The following FAM110B variants were observed in gnomAD, a reference collection of about 807,000 sequenced individuals.
FAM110B encodes the protein family with sequence similarity 110 member B.
In FAM110B, 6 loss-of-function variants were observed where a neutral mutation model predicts 20.4. The observed-to-expected ratio is 0.29, with a 90% CI of 0.16 to 0.58. The LOEUF (loss-of-function observed/expected upper bound fraction) is 0.58, where lower values mean the gene tolerates loss of function less well. Among genes scored for constraint, FAM110B ranks in the 20% least tolerant of loss-of-function variants. FAM110B has a pLI of 0.90. For missense variants in FAM110B, 434 were observed against 498.2 expected (o/e 0.87, Z 1.23); for synonymous variants, 226 against 214.1 (o/e 1.06, Z -0.49).
intron 3 of FAM110B, among the ~76,000 whole-genome samples, chr8:58,085,203 AAG>A (rs1266028740): frequency 6.6e-6 from 1 of 152,208 alleles, no homozygotes; most frequent in African/African-American, 2.4e-5. Context: ...TAATCAACTG[AAG>A]AGTCTTGTAA....
intron 3 of FAM110B, among the ~76,000 whole-genome samples, chr8:58,085,667 A>G (rs1806315561): frequency 6.6e-6 from 1 of 152,232 alleles, no homozygotes; most frequent in African/African-American, 2.4e-5. Context: ...CCTCTGGCAC[A>G]TTGATTTATG....
At chr8:58,042,800 C>T (rs752752958) in intron 2 of FAM110B, among the ~76,000 whole-genome samples, 33 of 152,188 alleles carry the variant, frequency 2.2e-4, no homozygotes, top group African/African-American at 2.4e-4. Flanking sequence ...TGGATGCTTG[C>T]GTAAGAATTG....
intron 3 of FAM110B, among the ~76,000 whole-genome samples, chr8:58,116,836 TA>T (rs1362698881): frequency 1.3e-5 from 2 of 152,208 alleles, no homozygotes; most frequent in Non-Finnish European, 2.9e-5. Context: ...GTATTCCATT[TA>T]AGGCTTATAA....
At chr8:58,060,973 G>A (rs985900018) in intron 2 of FAM110B, among the ~76,000 whole-genome samples, 7 of 152,096 alleles carry the variant, frequency 4.6e-5, no homozygotes, top group African/African-American at 1.7e-4. Context: ...TCTGTTCTGT[G>A]TGGATGAGCT....
intron 3 of FAM110B, among the ~76,000 whole-genome samples, chr8:58,096,001 C>A (rs953376689): frequency 1.3e-5 from 2 of 152,172 alleles, no homozygotes; most frequent in African/African-American, 4.8e-5. Context: ...TAGTGGCCTT[C>A]TTTGTCTCTT....
intron 2 of FAM110B, among the ~76,000 whole-genome samples, chr8:58,036,454 C>A (rs1026111796): frequency 1.3e-5 from 2 of 152,180 alleles, no homozygotes; most frequent in African/African-American, 4.8e-5. Context: ...CAGTAGACAT[C>A]AGCAGTCTTA....
intron 3 of FAM110B, among the ~76,000 whole-genome samples, chr8:58,082,845 T>TTA (rs1221946219): frequency 5.7e-5 from 8 of 139,564 alleles, no homozygotes; most frequent in African/African-American, 2.3e-4. Context: ...TTGTTTTTTT[T>TTA]TGTTTTTTTT....
intron 3 of FAM110B, among the ~76,000 whole-genome samples, chr8:58,082,131 C>G (rs1806212192): frequency 6.6e-6 from 1 of 152,158 alleles, no homozygotes; most frequent in African/African-American, 2.4e-5. Flanking sequence ...GGCTTTGCAG[C>G]ATCAGCGCTA....
At chr8:58,039,127 C>T (rs906478495) in intron 2 of FAM110B, among the ~76,000 whole-genome samples, 2 of 152,238 alleles carry the variant, frequency 1.3e-5, no homozygotes, top group Non-Finnish European at 1.5e-5. Flanking sequence ...GACGGCATTT[C>T]TCTGGAGCCA....
At chr8:58,035,808 T>C (rs1805065361) in intron 2 of FAM110B, among the ~76,000 whole-genome samples, 1 of 152,236 alleles carries the variant, frequency 6.6e-6, no homozygotes, top group East Asian at 1.9e-4. Context: ...ACTTGTTCTT[T>C]GCTCTATGCT....
At chr8:58,020,949 A>C (rs1326186316) in intron 1 of FAM110B, among the ~76,000 whole-genome samples, 1 of 152,156 alleles carries the variant, frequency 6.6e-6, no homozygotes. Context: ...CAGCTCACCC[A>C]GAAAAGGCTA....
chr8:58,083,668 C>T (rs1357026397), intron 3 of FAM110B, among the ~76,000 whole-genome samples: 1 of 152,138 alleles, frequency 6.6e-6, no homozygotes, highest in Non-Finnish European at 1.5e-5. Context: ...AGAATGCAGG[C>T]CACTCCCACC....
At chr8:58,136,330 T>G (rs1435282663) in intron 3 of FAM110B, among the ~76,000 whole-genome samples, 3 of 152,102 alleles carry the variant, frequency 2.0e-5, no homozygotes, top group Admixed American at 2.0e-4. Context: ...TTATAAACTC[T>G]GTGACTGGAG....
At chr8:58,089,104 A>G (rs184635355) in intron 3 of FAM110B, among the ~76,000 whole-genome samples, 16 of 152,310 alleles carry the variant, frequency 1.1e-4, no homozygotes, top group African/African-American at 2.9e-4. Flanking sequence ...CATCAACTCT[A>G]TGGTCTTAAT....
chr8:58,103,622 G>T (rs1806840806), intron 3 of FAM110B, among the ~76,000 whole-genome samples: 1 of 152,052 alleles, frequency 6.6e-6, no homozygotes, highest in African/African-American at 2.4e-5. Context: ...GAGGTGTAAG[G>T]TATAATAGTT....
intron 1 of FAM110B, among the ~76,000 whole-genome samples, chr8:58,008,867 C>T (rs574098281): frequency 1.4e-4 from 21 of 152,254 alleles, no homozygotes; most frequent in African/African-American, 4.3e-4. Flanking sequence ...CACCAGAGCC[C>T]GAGTCCCCAT....
intron 1 of FAM110B, among the ~76,000 whole-genome samples, chr8:58,017,134 G>T (rs1458187241): frequency 1.3e-5 from 2 of 152,210 alleles, no homozygotes; most frequent in African/African-American, 4.8e-5. Context: ...TCTCAGTCAT[G>T]CAGCTTGGAT....
At position 57,999,153 on chromosome 8, in the gene FAM110B, A is replaced by G. The variant is rs115410219; in HGVS notation, c.-512+4347A>G. ...ATAGTGAACATGTGGATGATTAAAC[A>G]GTTTTAAACCGGCATTAAATCTATG... is the stretch of plus-strand genomic sequence containing the variant. On this transcript the variant is annotated intron_variant, in intron 1 of 3. Transcript: ENST00000519262. 4.9e-3 allele frequency among the ~76,000 whole-genome samples: 750 copies of G among 152,348 alleles called. 6 individuals carry two copies. The highest frequency in any genetic ancestry group is 0.017 in the African/African-American group (703 of 41,570).
chr8:58,056,041 A>G (rs1301769125), intron 2 of FAM110B, among the ~76,000 whole-genome samples: 2 of 152,142 alleles, frequency 1.3e-5, no homozygotes, highest in Non-Finnish European at 1.5e-5. Context: ...GCCAAATCCA[A>G]CCCTCTGTCT....
Sources: allele counts gnomAD v4.1 joint callset (sites outside exome capture counted in the v4.1 genomes callset), GRCh38; gene constraint gnomAD v4.1.1; transcripts MANE v1.5; gene names NCBI Gene and HGNC (gene_info 2026-07-23, HGNC 2026-07-21).